Variants in FGF14 observed in about 807,000 individuals in gnomAD.
FGF14 encodes the protein fibroblast growth factor homologous factor 4.
In FGF14, 5 loss-of-function variants were observed where a neutral mutation model predicts 25.5. The ratio of observed to expected loss-of-function variants is 0.20; its 90% CI spans 0.10 to 0.41. The LOEUF (loss-of-function observed/expected upper bound fraction) is 0.41. FGF14 is among the 10% of genes least tolerant of loss of function. FGF14 has a pLI of 1.00. For missense variants in FGF14, 222 were observed against 320.1 expected, an observed-to-expected ratio of 0.69 and a Z score of 2.34; for synonymous variants, 138 against 118.3, an observed-to-expected ratio of 1.17 and a Z score of -1.08.
Position 101,885,177 on chromosome 13 carries a change from G to C in FGF14, c.194-9881C>G, listed in dbSNP as rs1054260257. 7.2e-5 allele frequency among the ~76,000 whole-genome samples: 11 copies of C among 152,280 alleles called. No homozygotes were observed. The East Asian group carries it at 1.4e-3, about 19-fold the overall frequency. ...TCCAGGGCTATTTTAGAGGTAGTTT[G>C]AGCTGGAAGAACATTTGCACTAGAG... On this transcript the variant is annotated intron_variant, in intron 1 of 4. Transcript: ENST00000376143.
At chr13:101,801,607 T>C (rs942887874) in intron 3 of FGF14, among the ~76,000 whole-genome samples, 2 of 152,168 alleles carry the variant, frequency 1.3e-5, no homozygotes, top group African/African-American at 2.4e-5. Context: ...CTGATCTATT[T>C]AGAAGTGGTA....
chr13:102,152,197 C>T (rs778442886), intron 1 of FGF14, among the ~76,000 whole-genome samples: 6 of 152,170 alleles, frequency 3.9e-5, no homozygotes, highest in Non-Finnish European at 7.3e-5. Flanking sequence ...TGATGACAAC[C>T]TCTCATCATG....
At chr13:102,055,397 C>T (rs919762732) in intron 1 of FGF14, among the ~76,000 whole-genome samples, 2 of 152,112 alleles carry the variant, frequency 1.3e-5, no homozygotes, top group Non-Finnish European at 1.5e-5. Flanking sequence ...CTTTGTTGTG[C>T]TTTCATAGTA....
chr13:101,845,680 C>A (rs1216605843), intron 3 of FGF14, among the ~76,000 whole-genome samples: 1 of 151,862 alleles, frequency 6.6e-6, no homozygotes, highest in Non-Finnish European at 1.5e-5. Flanking sequence ...TGCTTATAAG[C>A]AAATAAAGAA....
chr13:102,379,465 C>T (rs960569204), intron 1 of FGF14, among the ~76,000 whole-genome samples: 1 of 150,470 alleles, frequency 6.6e-6, no homozygotes, highest in Non-Finnish European at 1.5e-5. Flanking sequence ...TATATATATA[C>T]CTTTATATAT....
At chr13:102,290,168 G>A (rs1368442722) in intron 1 of FGF14, among the ~76,000 whole-genome samples, 2 of 152,094 alleles carry the variant, frequency 1.3e-5, no homozygotes, top group African/African-American at 2.4e-5. Context: ...ATGGGATTAC[G>A]AAGTGAGATT....
chr13:102,265,088 C>T (rs2052921926), intron 1 of FGF14, among the ~76,000 whole-genome samples: 1 of 152,094 alleles, frequency 6.6e-6, no homozygotes, highest in African/African-American at 2.4e-5. Context: ...CAATTCATAA[C>T]CAAAAAACAA....
At chr13:101,866,946 C>T (rs2044741307) in intron 3 of FGF14, among the ~76,000 whole-genome samples, 1 of 152,058 alleles carries the variant, frequency 6.6e-6, no homozygotes, top group South Asian at 2.1e-4. Context: ...AGGAGAACAC[C>T]AACATCTGTA....
rs112789825 is a variant in FGF14, at chr13:102,401,210, T to TAAAA, written c.208+257_208+260dup. 8.0e-4 allele frequency among the ~76,000 whole-genome samples: 110 copies of TAAAA among 136,676 alleles called. 1 individual carries two copies. The South Asian group carries it at 0.014, about 18-fold the overall frequency. 89.7% of individuals were successfully genotyped at this position (136,676 alleles called of 152,430 possible). ...ACCAAACATAGGCAACCAAATACATTAAAAAAAAAAAAAAAGTTTCCTCCT... is the reference window on the plus strand; with the variant it reads ...ACCAAACATAGGCAACCAAATACATTAAAAAAAAAAAAAAAAAAAGTTTCCTCCT... On this transcript the variant is annotated intron_variant, in intron 1 of 4. Transcript: ENST00000376131.
chr13:102,098,001 G>C (rs933537975), intron 1 of FGF14, among the ~76,000 whole-genome samples: 1 of 152,168 alleles, frequency 6.6e-6, no homozygotes, highest in Non-Finnish European at 1.5e-5. Context: ...GAATGCACTA[G>C]GGCTCACCAT....
chr13:101,717,970 C>T lies in FGF14; in HGVS notation c.*4861G>A, dbSNP rs1040344052. ...GTAAGAAGAGTGTCAAAAATGTCCTCGGCATTTGTTTTCTCAGAAAAAGAA... is the reference window on the plus strand; with the variant it reads ...GTAAGAAGAGTGTCAAAAATGTCCTTGGCATTTGTTTTCTCAGAAAAAGAA... On this transcript the variant is annotated 3_prime_UTR_variant, in exon 5 of 5. Transcript: ENST00000376143. 6.6e-6 allele frequency: 1 copy of T among 152,072 alleles called. No homozygotes were observed. The highest frequency in any genetic ancestry group is 2.4e-5 in the African/African-American group (1 of 41,410). The allele number at this position is 152,072 out of a possible 1,614,324, so 9.4% of individuals were successfully genotyped here. A position where few individuals can be genotyped will look rare whatever the true frequency, so the allele number is the denominator to read the frequency against.
chr13:101,788,891 TATATATATATATATATATAGAGAGAG>T (rs1236429419), intron 3 of FGF14, among the ~76,000 whole-genome samples: 1 of 47,022 alleles, frequency 2.1e-5, no homozygotes, highest in Admixed American at 3.2e-4. Context: ...TATATATATA[TATATATATATATATATATAGAGAGAG>T]AGAGAGAGAG....
At chr13:102,335,380 G>A (rs970184695) in intron 1 of FGF14, among the ~76,000 whole-genome samples, 7 of 152,104 alleles carry the variant, frequency 4.6e-5, no homozygotes, top group African/African-American at 1.7e-4. Context: ...TGCTATCTAT[G>A]CATCTACATC....
chr13:101,879,964 G>A (rs1027583253), intron 1 of FGF14, among the ~76,000 whole-genome samples: 6 of 152,082 alleles, frequency 3.9e-5, no homozygotes, highest in African/African-American at 1.4e-4. Flanking sequence ...GAAAATAAAG[G>A]TGGGATAGGG....
intron 1 of FGF14, among the ~76,000 whole-genome samples, chr13:102,218,466 TA>T (rs2050469424): frequency 6.6e-6 from 1 of 151,738 alleles, no homozygotes; most frequent in Non-Finnish European, 1.5e-5. Context: ...GTAGAATTCC[TA>T]GTTGAATTGT....
At chr13:102,308,225 G>A (rs2055510308) in intron 1 of FGF14, among the ~76,000 whole-genome samples, 1 of 152,156 alleles carries the variant, frequency 6.6e-6, no homozygotes, top group Non-Finnish European at 1.5e-5. Context: ...CAGAGGGTGG[G>A]CTGCACATCC....
At chr13:102,113,276 T>C (rs1442880302) in intron 1 of FGF14, among the ~76,000 whole-genome samples, 1 of 152,222 alleles carries the variant, frequency 6.6e-6, no homozygotes, top group African/African-American at 2.4e-5. Flanking sequence ...ATTTGGATTC[T>C]GTATTCATTA....
chr13:102,320,530 CT>C (rs1177943344), intron 1 of FGF14, among the ~76,000 whole-genome samples: 1 of 152,102 alleles, frequency 6.6e-6, no homozygotes, highest in East Asian at 1.9e-4. Context: ...CTTCAGTGTT[CT>C]TTTTCATTCC....
intron 3 of FGF14, among the ~76,000 whole-genome samples, chr13:101,745,977 T>C (rs1454562610): frequency 6.6e-6 from 1 of 151,986 alleles, no homozygotes; most frequent in African/African-American, 2.4e-5. Flanking sequence ...CTAGAAAGAA[T>C]GTGATAGAAA....
Sources: allele counts gnomAD v4.1 joint callset (sites outside exome capture counted in the v4.1 genomes callset), GRCh38; gene constraint gnomAD v4.1.1; transcripts MANE v1.5; gene names NCBI Gene and HGNC (gene_info 2026-07-23, HGNC 2026-07-21).